Variants in TMOD1 observed in about 807,000 individuals in gnomAD.
TMOD1 encodes the protein tropomodulin 1.
TMOD1 carries 17 observed loss-of-function variants against 40.6 expected under a neutral mutation model. That is an observed-to-expected ratio of 0.42 (90% CI 0.29 to 0.63). The LOEUF is 0.63. TMOD1 is among the 20% of genes least tolerant of loss of function. TMOD1 has a pLI of 0.22. For missense variants in TMOD1, 391 were observed against 447.6 expected (o/e 0.87, Z 1.14); for synonymous variants, 181 against 175.0 (o/e 1.03, Z -0.27).
rs1171070007 is a variant in TMOD1, at chr9:97,600,797, TA to T, written c.*1100del. On this transcript the variant is annotated 3_prime_UTR_variant, in exon 10 of 10. Coordinates refer to ENST00000259365, the MANE Select transcript of TMOD1 (RefSeq NM_003275.4). The stretch of plus-strand genomic sequence containing the variant: ...TGATTACACTGAAATGTAGTATTAG[TA>T]CTGCTGCCAGATCTCTTTTTAACAT... 1.9e-6 allele frequency: 2 copies of T among 1,074,312 alleles called. No individual in the cohort carries two copies. Among genetic ancestry groups the T allele is most frequent in the Non-Finnish European group, 2.3e-6 (2 of 880,762 alleles). The allele number at this position is 1,074,312 out of a possible 1,614,324, so 66.5% of individuals were successfully genotyped here. A position where few individuals can be genotyped will look rare whatever the true frequency, so the allele number is the denominator to read the frequency against.
intron 2 of TMOD1, among the ~76,000 whole-genome samples, chr9:97,527,123 A>G (rs1022808368): frequency 6.6e-6 from 1 of 152,176 alleles, no homozygotes; most frequent in African/African-American, 2.4e-5. Flanking sequence ...TCTCCCCATT[A>G]GCCTGTGTTT....
chr9:97,546,088 G>T, intron 2 of TMOD1, 97 bp from the exon 3 acceptor site: 1 of 1,400,124 alleles, frequency 7.1e-7, no homozygotes, highest in Non-Finnish European at 9.6e-7. Context: ...GTTCGATGAT[G>T]AGTTTCTGGA....
chr9:97,508,252 G>C (rs578172024), intron 1 of TMOD1, among the ~76,000 whole-genome samples: 110 of 151,744 alleles, frequency 7.2e-4, no homozygotes, highest in Non-Finnish European at 9.1e-4. Flanking sequence ...GCAGTGGGGC[G>C]ATCTCAGCTC....
intron 4 of TMOD1, chr9:97,555,454 A>C: frequency 7.0e-7 from 1 of 1,422,524 alleles, no homozygotes; most frequent in Non-Finnish European, 9.1e-7. Context: ...CAGAGCTGCA[A>C]CTCTGTGCTA....
chr9:97,547,897 G>A (rs1830390509), intron 3 of TMOD1, among the ~76,000 whole-genome samples: 1 of 152,202 alleles, frequency 6.6e-6, no homozygotes, highest in Non-Finnish European at 1.5e-5. Flanking sequence ...TGCGAGGCCT[G>A]CCATATAGTA....
chr9:97,559,924 C>T (rs1004559569), intron 4 of TMOD1, among the ~76,000 whole-genome samples: 22 of 146,756 alleles, frequency 1.5e-4, no homozygotes, highest in African/African-American at 4.8e-4. Context: ...CTGGGTGATC[C>T]ATGTGTGCAG....
At chr9:97,570,129 T>C (rs1830796150) in intron 8 of TMOD1, among the ~76,000 whole-genome samples, 1 of 152,218 alleles carries the variant, frequency 6.6e-6, no homozygotes, top group South Asian at 2.1e-4. Context: ...GCATAAAACT[T>C]AAATGCACAG....
intron 4 of TMOD1, among the ~76,000 whole-genome samples, chr9:97,561,771 C>A (rs924423891): frequency 6.6e-6 from 1 of 152,148 alleles, no homozygotes; most frequent in African/African-American, 2.4e-5. Flanking sequence ...CCAACCTGAC[C>A]TTCCTCCCTC....
At chr9:97,571,112 T>TGGCCCTGGGCCA (rs1181811527) in intron 8 of TMOD1, among the ~76,000 whole-genome samples, 1 of 152,188 alleles carries the variant, frequency 6.6e-6, no homozygotes, top group Non-Finnish European at 1.5e-5. Flanking sequence ...GGCTTGGCAG[T>TGGCCCTGGGCCA]GGCCCTGGGC....
rs1252187563 is a variant in TMOD1 at position 97,583,795 on chromosome 9, G to A, written c.871-7496G>A. Among the ~76,000 whole-genome samples the A allele has an allele frequency of 3.5e-5, 5 of 144,660 alleles. No individual in the cohort carries two copies. In the South Asian group the frequency reaches 6.9e-4, roughly 20 times the overall value. 94.9% of individuals were successfully genotyped at this position (144,660 alleles called of 152,430 possible). On this transcript the variant is annotated intron_variant, in intron 8 of 9. Coordinates refer to ENST00000259365, the MANE Select transcript of TMOD1 (RefSeq NM_003275.4). Reference sequence around the variant, plus strand: ...TTTTCTAGTTTATTTGCGTAGAGGTGTTTGTAGTATTCTCTGATGGTAGTT... The same window carrying A: ...TTTTCTAGTTTATTTGCGTAGAGGTATTTGTAGTATTCTCTGATGGTAGTT...
intron 8 of TMOD1, among the ~76,000 whole-genome samples, chr9:97,578,374 G>A (rs1042599462): frequency 2.0e-5 from 3 of 152,160 alleles, no homozygotes; most frequent in African/African-American, 7.2e-5. Flanking sequence ...GACATCTTAA[G>A]GCTTACTGTA....
Position 97,563,843 on chromosome 9 carries a change from C to G in TMOD1, c.488-195C>G, listed in dbSNP as rs188549466. On this transcript the variant is annotated intron_variant, in intron 5 of 9. Transcript: ENST00000259365. ...CTTGCAGGACGTCAAAGGCAGAGTCCAAGTAGAACCCCAGCCTCCTGGCTC... is the reference window on the plus strand; with the variant it reads ...CTTGCAGGACGTCAAAGGCAGAGTCGAAGTAGAACCCCAGCCTCCTGGCTC... Among the ~76,000 whole-genome samples, 19 of 152,312 alleles carry G rather than the reference C, an allele frequency of 1.2e-4. No homozygotes were observed. In the East Asian group the frequency reaches 3.5e-3, roughly 28 times the overall value.
chr9:97,584,855 TG>T (rs1386662703), intron 8 of TMOD1, among the ~76,000 whole-genome samples: 1 of 152,228 alleles, frequency 6.6e-6, no homozygotes, highest in Non-Finnish European at 1.5e-5. Flanking sequence ...TCCATTTGCT[TG>T]GTAGATCTTC....
rs1342894296 is a variant in TMOD1, at chr9:97,557,212, C to T, written c.397+3812C>T. On this transcript the variant is annotated intron_variant, in intron 4 of 9. Coordinates refer to ENST00000259365, the MANE Select transcript of TMOD1 (RefSeq NM_003275.4). The surrounding 1 kb of genome is among the most constrained non-coding windows in gnomAD (Gnocchi z 4.4). Reference sequence around the variant, plus strand: ...TGTAGATTTCAACATTAAAAGCGTCCCTGCTGGGCAACAAGCAGAGTGCAC... The same window carrying T: ...TGTAGATTTCAACATTAAAAGCGTCTCTGCTGGGCAACAAGCAGAGTGCAC... 1.3e-5 allele frequency among the ~76,000 whole-genome samples: 2 copies of T among 152,124 alleles called. No individual in the cohort carries two copies. Among genetic ancestry groups the T allele is most frequent in the African/African-American group, 2.4e-5 (1 of 41,402 alleles).
intron 8 of TMOD1, among the ~76,000 whole-genome samples, chr9:97,573,465 T>C (rs1479796627): frequency 6.6e-6 from 1 of 152,262 alleles, no homozygotes; most frequent in African/African-American, 2.4e-5. Flanking sequence ...TGGCTTTTTT[T>C]ACTCAACGTT....
At chr9:97,551,614 A>C (rs1381446870) in intron 3 of TMOD1, among the ~76,000 whole-genome samples, 2 of 152,286 alleles carry the variant, frequency 1.3e-5, no homozygotes, top group Non-Finnish European at 2.9e-5. Context: ...TAAGTTTTGA[A>C]ATCAATAAGT....
intron 9 of TMOD1, among the ~76,000 whole-genome samples, chr9:97,592,412 G>A (rs1340684373): frequency 2.0e-5 from 3 of 147,452 alleles, no homozygotes; most frequent in Non-Finnish European, 3.0e-5. Flanking sequence ...CAGAAGGGAA[G>A]GAAGCATAAT....
intron 1 of TMOD1, among the ~76,000 whole-genome samples, chr9:97,523,731 A>T (rs930279676): frequency 1.8e-4 from 27 of 152,040 alleles, no homozygotes; most frequent in African/African-American, 6.5e-4. Context: ...AACCACCGAT[A>T]CTCCCCTGCC....
intron 2 of TMOD1, among the ~76,000 whole-genome samples, chr9:97,537,725 A>G (rs1587928461): frequency 6.6e-6 from 1 of 152,232 alleles, no homozygotes; most frequent in Non-Finnish European, 1.5e-5. Context: ...ATTTTCAAGA[A>G]CAAATTAAAC....
Sources: gnomAD v4.1 joint callset for allele counts (sites outside exome capture counted in the v4.1 genomes callset) on GRCh38, gnomAD v4.1.1 for gene constraint, Gnocchi (gnomAD v3.1) non-coding constraint, MANE v1.5 for transcripts, NCBI Gene and HGNC (gene_info 2026-07-23, HGNC 2026-07-21) for gene names.